Variants in RHPN2 observed in about 807,000 individuals in gnomAD.
RHPN2 encodes rhophilin Rho GTPase binding protein 2, also known as rhophilin-2.
Under a neutral mutation model 79.0 loss-of-function variants are expected in RHPN2, and 40 were observed. The observed-to-expected ratio is 0.51, with a 90% confidence interval of 0.39 to 0.66. RHPN2 has a LOEUF of 0.66. Among genes scored for constraint, RHPN2 ranks in the 30% least tolerant of loss-of-function variants. RHPN2 has a pLI of 0.00. For synonymous variants in RHPN2, 285 were observed against 363.5 expected, an observed-to-expected ratio of 0.78 and a Z score of 2.46; for missense variants, 686 against 883.5, an observed-to-expected ratio of 0.78 and a Z score of 2.83.
At chr19:33,027,267 A>G (rs891911372) in intron 2 of RHPN2, 6 of 152,628 alleles carry the variant, frequency 3.9e-5, no homozygotes, top group Non-Finnish European at 7.3e-5. Flanking sequence ...AAAAAAAAAA[A>G]AAAAGAAATG....
At chr19:32,980,887 G>A (rs1335720264) in intron 14 of RHPN2, among the ~76,000 whole-genome samples, 2 of 151,918 alleles carry the variant, frequency 1.3e-5, no homozygotes, top group East Asian at 3.9e-4. Context: ...GCCCAGGCTG[G>A]AGTGTAGTGG....
chr19:33,012,243 T>C (rs1384798344), intron 5 of RHPN2, among the ~76,000 whole-genome samples: 1 of 152,074 alleles, frequency 6.6e-6, no homozygotes, highest in Non-Finnish European at 1.5e-5. Context: ...GGTTTTGCCA[T>C]GTTGGCCAGT....
chr19:33,007,422 G>C (rs1971799879), intron 7 of RHPN2, among the ~76,000 whole-genome samples: 1 of 151,870 alleles, frequency 6.6e-6, no homozygotes, highest in South Asian at 2.1e-4. Context: ...AGGAGGTGGA[G>C]GTTGCAGTGA....
chr19:33,012,040 T>TC (rs1971839755), intron 5 of RHPN2, among the ~76,000 whole-genome samples: 1 of 81,270 alleles, frequency 1.2e-5, no homozygotes, highest in South Asian at 3.6e-4. Flanking sequence ...TTTTCCTTCT[T>TC]TTTTTTTTTT....
intron 14 of RHPN2, among the ~76,000 whole-genome samples, chr19:32,981,435 A>AGGGGGG (rs1971573767): frequency 9.9e-5 from 5 of 50,348 alleles, no homozygotes; most frequent in Admixed American, 2.9e-4. Context: ...GGCGGGGGGA[A>AGGGGGG]GGGAAGAGGG....
At chr19:33,025,238 C>T (rs1971955993) in intron 3 of RHPN2, among the ~76,000 whole-genome samples, 1 of 149,166 alleles carries the variant, frequency 6.7e-6, no homozygotes. Context: ...TTTGGGAGGC[C>T]AAGGCGGGCA....
chr19:33,026,675 T>C, intron 2 of RHPN2, 43 bp from the exon 3 acceptor site: 3 of 1,590,038 alleles, frequency 1.9e-6, no homozygotes, highest in Non-Finnish European at 2.6e-6. Context: ...CAGCCAGGTA[T>C]CCTGGCTTCT....
intron 1 of RHPN2, among the ~76,000 whole-genome samples, chr19:33,046,347 C>T (rs1972142674): frequency 6.6e-6 from 1 of 152,022 alleles, no homozygotes; most frequent in Non-Finnish European, 1.5e-5. Context: ...CTCATTGCAA[C>T]CTCTGTCTCC....
At position 32,990,080 on chromosome 19, in the gene RHPN2, G is replaced by A. The variant is rs1235990002; in HGVS notation, c.1800+434C>T. Among the ~76,000 whole-genome samples, 14 of 150,944 alleles carry A rather than the reference G, an allele frequency of 9.3e-5. 1 individual carries two copies. The highest frequency in any genetic ancestry group is 9.2e-4 in the Admixed American group (14 of 15,182). On this transcript the variant is annotated intron_variant, in intron 14 of 14. Transcript: ENST00000254260. Reference sequence around the variant, plus strand: ...AGATTGCACCACTGCACTCCAGCCTGGGTGACAGAGCGAGACTCCGTCTCA... The same window carrying A: ...AGATTGCACCACTGCACTCCAGCCTAGGTGACAGAGCGAGACTCCGTCTCA...
chr19:33,024,364 C>T (rs1256743034), intron 3 of RHPN2, among the ~76,000 whole-genome samples: 5 of 151,964 alleles, frequency 3.3e-5, no homozygotes, highest in Admixed American at 6.6e-5. Context: ...ACCTGGGAGG[C>T]GGAGGTTGCG....
chr19:33,064,753 G>A, intron 1 of RHPN2, 31 bp downstream of exon 1: 1 of 1,504,158 alleles, frequency 6.6e-7, no homozygotes, highest in Non-Finnish European at 8.9e-7. Context: ...GGAGCCCGCA[G>A]GTCCCCGCCC....
intron 1 of RHPN2, among the ~76,000 whole-genome samples, chr19:33,050,917 A>G (rs1052779132): frequency 4.6e-5 from 7 of 152,092 alleles, no homozygotes; most frequent in Admixed American, 3.9e-4. Flanking sequence ...TTATCTGCCA[A>G]AGTTATTTTG....
intron 1 of RHPN2, among the ~76,000 whole-genome samples, chr19:33,049,203 G>A (rs567358576): frequency 5.9e-5 from 9 of 152,280 alleles, no homozygotes; most frequent in Admixed American, 5.9e-4. Flanking sequence ...TTCCCTGAGA[G>A]GTAAATCTGG....
At chr19:33,030,251 T>C (rs1440271364) in intron 2 of RHPN2, among the ~76,000 whole-genome samples, 1 of 152,154 alleles carries the variant, frequency 6.6e-6, no homozygotes, top group Non-Finnish European at 1.5e-5. Flanking sequence ...TTGATGAATT[T>C]CATCAATTTA....
At chr19:32,998,989 GAGAGGGGAGGGGAGC>G (rs1277224480) in intron 10 of RHPN2, among the ~76,000 whole-genome samples, 2 of 132,074 alleles carry the variant, frequency 1.5e-5, no homozygotes, top group Non-Finnish European at 3.2e-5. Context: ...CAGAGGGGAG[GAGAGGGGAGGGGAGC>G]AGAGGGGAGG....
intron 2 of RHPN2, among the ~76,000 whole-genome samples, chr19:33,035,056 CTT>C (rs1475922672): frequency 3.9e-5 from 6 of 152,074 alleles, no homozygotes; most frequent in Non-Finnish European, 8.8e-5. Context: ...CAACCTCCAC[CTT>C]CAGGTTCAAG....
intron 10 of RHPN2, among the ~76,000 whole-genome samples, chr19:32,996,752 T>C (rs1366219375): frequency 5.9e-5 from 9 of 152,046 alleles, no homozygotes; most frequent in Admixed American, 2.0e-4. Flanking sequence ...TCTAGCCCCT[T>C]CTTCGGGCCC....
chr19:33,064,750 G>C (rs1284410048), intron 1 of RHPN2, 34 bp downstream of exon 1: 19 of 1,504,560 alleles, frequency 1.3e-5, no homozygotes, highest in Admixed American at 4.0e-5. Flanking sequence ...TCTGGAGCCC[G>C]CAGGTCCCCG....
chr19:33,049,883 G>A (rs1393847737), intron 1 of RHPN2, among the ~76,000 whole-genome samples: 2 of 152,142 alleles, frequency 1.3e-5, no homozygotes, highest in Non-Finnish European at 2.9e-5. Flanking sequence ...TGAGCGGTGA[G>A]GCGGTGTGAG....
Sources: gnomAD v4.1 joint callset for allele counts (sites outside exome capture counted in the v4.1 genomes callset) on GRCh38, gnomAD v4.1.1 for gene constraint, MANE v1.5 for transcripts, NCBI Gene and HGNC (gene_info 2026-07-23, HGNC 2026-07-21) for gene names.